Variants in DLGAP2 observed in about 807,000 individuals in gnomAD.
The protein encoded by DLGAP2 is DLG associated protein 2.
A neutral mutation model predicts 100.3 loss-of-function variants in DLGAP2; 26 were observed. That is an observed-to-expected ratio of 0.26 (90% CI 0.19 to 0.36). DLGAP2 has a LOEUF of 0.36. Ranked by LOEUF, DLGAP2 falls within the 10% of genes least tolerant of loss-of-function variation. The probability of loss-of-function intolerance (pLI) is 1.00; values close to 1 mark genes in which losing one functional copy is unlikely to be tolerated. For missense variants in DLGAP2, 1,858 were observed against 1,453.2 expected, an observed-to-expected ratio of 1.28 and a Z score of -4.53; for synonymous variants, 886 against 630.1, an observed-to-expected ratio of 1.41 and a Z score of -6.08.
intron 2 of DLGAP2, among the ~76,000 whole-genome samples, chr8:1,249,989 T>A (rs1035504235): frequency 2.0e-5 from 3 of 152,288 alleles, no homozygotes; most frequent in Non-Finnish European, 4.4e-5. Context: ...CAAGTGATTG[T>A]TCTGCCTCAG....
chr8:1,285,781 C>T (rs35071414), intron 3 of DLGAP2, among the ~76,000 whole-genome samples: 21,897 of 152,048 alleles, frequency 0.14, 1,802 homozygotes, highest in Admixed American at 0.15. Flanking sequence ...CCAGGCTGGG[C>T]AACATAGCTA....
intron 2 of DLGAP2, among the ~76,000 whole-genome samples, chr8:1,143,201 T>C (rs78191836): frequency 7.2e-4 from 109 of 152,220 alleles, no homozygotes; most frequent in African/African-American, 2.5e-3. Flanking sequence ...AGTTACTATA[T>C]GACAAGGGTA....
chr8:1,225,891 G>A lies in DLGAP2; in HGVS notation c.74-32960G>A, dbSNP rs191371936. Among the ~76,000 whole-genome samples, 346 of 152,204 alleles carry A rather than the reference G, an allele frequency of 2.3e-3. 3 individuals carry two copies. Among genetic ancestry groups the A allele is most frequent in the African/African-American group, 7.6e-3 (314 of 41,516 alleles). Reference sequence around the variant, plus strand: ...TTAAGCAGGTTGATTTAGCCATTCCGTAATGTATGCATATATCAAAACATC... The same window carrying A: ...TTAAGCAGGTTGATTTAGCCATTCCATAATGTATGCATATATCAAAACATC... On this transcript the variant is annotated intron_variant, in intron 2 of 14. Transcript: ENST00000637795.
chr8:1,003,525 A>C (rs967048714), intron 2 of DLGAP2, among the ~76,000 whole-genome samples: 2 of 152,254 alleles, frequency 1.3e-5, no homozygotes, highest in Non-Finnish European at 2.9e-5. Flanking sequence ...ATTGCTGAAT[A>C]ATAAGCCATC....
chr8:1,363,569 C>A (rs1027070977), intron 3 of DLGAP2, among the ~76,000 whole-genome samples: 1 of 152,230 alleles, frequency 6.6e-6, no homozygotes, highest in African/African-American at 2.4e-5. Flanking sequence ...TCCAGAGGAA[C>A]TTGGTCCTGG....
At chr8:1,164,111 A>AACCCCCCAGG (rs1563223973) in intron 2 of DLGAP2, among the ~76,000 whole-genome samples, 2 of 95,982 alleles carry the variant, frequency 2.1e-5, no homozygotes, top group Non-Finnish European at 5.0e-5. Flanking sequence ...TTTTTCTGTG[A>AACCCCCCAGG]GCCCGCAGGG....
intron 5 of DLGAP2, among the ~76,000 whole-genome samples, chr8:1,559,171 G>A (rs1802075458): frequency 6.6e-6 from 1 of 152,142 alleles, no homozygotes; most frequent in South Asian, 2.1e-4. Flanking sequence ...CCATCACTAG[G>A]TACAAGGAGG....
intron 2 of DLGAP2, among the ~76,000 whole-genome samples, chr8:958,721 G>A (rs73673034): frequency 6.6e-6 from 1 of 152,044 alleles, no homozygotes; most frequent in Non-Finnish European, 1.5e-5. Flanking sequence ...CATACCAAAG[G>A]TTAGAAGAGT....
chr8:1,452,605 A>G (rs61100949), intron 3 of DLGAP2, among the ~76,000 whole-genome samples: 4,245 of 152,290 alleles, frequency 0.028, 204 homozygotes, highest in African/African-American at 0.097. Flanking sequence ...GACACAGGGA[A>G]GAGGAGATGG....
rs1027971499 is a variant in DLGAP2, at chr8:1,281,383, T to C, written c.106+22500T>C. 2.6e-5 allele frequency among the ~76,000 whole-genome samples: 4 copies of C among 152,244 alleles called. No homozygotes were observed. The East Asian group carries it at 7.8e-4, about 30-fold the overall frequency. On this transcript the variant is annotated intron_variant, in intron 3 of 14. Transcript: ENST00000637795. ...CCCTGTCATCATGACCTTGATTTGATTCCTAGTCCCTTAGGCGCCCCCAGT... is the reference window on the plus strand; with the variant it reads ...CCCTGTCATCATGACCTTGATTTGACTCCTAGTCCCTTAGGCGCCCCCAGT...
intron 2 of DLGAP2, among the ~76,000 whole-genome samples, chr8:1,117,948 T>G (rs892973725): frequency 6.6e-6 from 1 of 152,220 alleles, no homozygotes; most frequent in Non-Finnish European, 1.5e-5. Context: ...AAATAAAAGT[T>G]AATGAGTAGA....
rs777843569 is a variant in DLGAP2, at chr8:1,549,098, G to T, written c.645G>T (p.Thr215=). ...TCCACACGCTGCAGTACCAGAGGACGTCCGCGGCCGCCGAGCAGCGCAGCG... is the reference window on the plus strand; with the variant it reads ...TCCACACGCTGCAGTACCAGAGGACTTCCGCGGCCGCCGAGCAGCGCAGCG... ...DGFHTLQYQR[T]SAAAEQRSES... Residue 215 remains threonine (T), a synonymous_variant, in exon 5 of 15, where the codon ACG becomes ACT. Coordinates refer to ENST00000637795, the MANE Select transcript of DLGAP2 (RefSeq NM_001346810.2). 2.5e-6 allele frequency: 4 copies of T among 1,582,978 alleles called. No individual in the cohort carries two copies. Among genetic ancestry groups the T allele is most frequent in the African/African-American group, 1.3e-5 (1 of 74,476 alleles).
chr8:1,242,888 G>C (rs1414722470), intron 2 of DLGAP2, among the ~76,000 whole-genome samples: 1 of 151,204 alleles, frequency 6.6e-6, no homozygotes, highest in Non-Finnish European at 1.5e-5. Context: ...AGACAGACAG[G>C]TGAATCCATG....
At chr8:1,028,573 A>G (rs12680493) in intron 2 of DLGAP2, among the ~76,000 whole-genome samples, 10,167 of 152,262 alleles carry the variant, frequency 0.067, 718 homozygotes, top group African/African-American at 0.16. Flanking sequence ...GATGCTCCAG[A>G]TGTGCCAGGC....
At chr8:1,627,141 G>T (rs189389607) in intron 7 of DLGAP2, among the ~76,000 whole-genome samples, 1 of 152,340 alleles carries the variant, frequency 6.6e-6, no homozygotes. Context: ...GACCAAAAGG[G>T]TGGTCATCCT....
intron 8 of DLGAP2, among the ~76,000 whole-genome samples, chr8:1,645,786 G>T (rs192907774): frequency 2.6e-5 from 4 of 152,152 alleles, no homozygotes; most frequent in Admixed American, 2.0e-4. Flanking sequence ...GATATTTTTG[G>T]ACTTAAACAA....
intron 6 of DLGAP2, among the ~76,000 whole-genome samples, chr8:1,595,375 A>T (rs1264716221): frequency 3.3e-5 from 5 of 152,140 alleles, no homozygotes; most frequent in Non-Finnish European, 7.3e-5. Context: ...AAGTCAAGAA[A>T]TAGGTCGGCC....
chr8:1,444,700 C>G (rs968806385), intron 3 of DLGAP2, among the ~76,000 whole-genome samples: 8 of 151,864 alleles, frequency 5.3e-5, no homozygotes, highest in Non-Finnish European at 1.0e-4. Context: ...TCTGCAGTCC[C>G]CTTTCTCCCC....
chr8:1,224,112 A>C (rs1210618481), intron 2 of DLGAP2, among the ~76,000 whole-genome samples: 1 of 152,220 alleles, frequency 6.6e-6, no homozygotes, highest in Non-Finnish European at 1.5e-5. Context: ...TTTAAACCAC[A>C]TGGATGATTA....
Sources: gnomAD v4.1 joint callset for allele counts (sites outside exome capture counted in the v4.1 genomes callset) on GRCh38, gnomAD v4.1.1 for gene constraint, MANE v1.5 for transcripts, NCBI Gene and HGNC (gene_info 2026-07-23, HGNC 2026-07-21) for gene names.